DCX: variants seen among roughly 807,000 people sequenced by gnomAD.
DCX encodes doublecortin.
A neutral mutation model predicts 20.9 loss-of-function variants in DCX; 4 were observed. The ratio of observed to expected loss-of-function variants is 0.19; its 90% CI spans 0.09 to 0.44. The LOEUF (loss-of-function observed/expected upper bound fraction) is 0.44. Among genes scored for constraint, DCX ranks in the 20% least tolerant of loss-of-function variants. The pLI, the probability that DCX is intolerant of heterozygous loss-of-function variation, is 0.99. For synonymous variants in DCX, 103 were observed against 111.4 expected (o/e 0.92, Z 0.47); for missense variants, 133 against 296.9 (o/e 0.45, Z 4.06).
intron 6 of DCX, among the ~76,000 whole-genome samples, chrX:111,308,484 CT>C (rs991161431): frequency 2.3e-4 from 26 of 111,052 alleles, no homozygotes; most frequent in African/African-American, 8.5e-4. Flanking sequence ...CTGTGAAAAG[CT>C]TTCCCCATCT....
chrX:111,359,811 T>C (rs1419769433), intron 3 of DCX, among the ~76,000 whole-genome samples: 4 of 112,006 alleles, frequency 3.6e-5, no homozygotes, highest in Admixed American at 2.8e-4. Flanking sequence ...AATTTTATTA[T>C]TGTTTACCCA....
intron 5 of DCX, among the ~76,000 whole-genome samples, chrX:111,327,906 G>A (rs934178052): frequency 1.8e-5 from 2 of 112,740 alleles, no homozygotes; most frequent in African/African-American, 6.4e-5. Context: ...GCTTGGTTAT[G>A]TTACAGCCCT....
At chrX:111,372,879 T>C (rs1426423530) in intron 3 of DCX, among the ~76,000 whole-genome samples, 1 of 111,379 alleles carries the variant, frequency 9.0e-6, no homozygotes, top group Non-Finnish European at 1.9e-5. Flanking sequence ...CTTCAAGCTT[T>C]GTGGCTCCGT....
intron 3 of DCX, among the ~76,000 whole-genome samples, chrX:111,345,152 T>C (rs1233163648): frequency 8.9e-6 from 1 of 112,080 alleles, no homozygotes; most frequent in Non-Finnish European, 1.9e-5. Context: ...AAGCATCTCC[T>C]ATTCAATAAA....
intron 3 of DCX, among the ~76,000 whole-genome samples, chrX:111,376,327 G>A (rs1336905348): frequency 1.8e-5 from 2 of 111,420 alleles, no homozygotes; most frequent in Non-Finnish European, 3.8e-5. Context: ...CTTCACCTTG[G>A]CACCAGCCTG....
chrX:111,333,984 C>A (rs1048203803), intron 3 of DCX, among the ~76,000 whole-genome samples: 16 of 111,711 alleles, frequency 1.4e-4, no homozygotes, highest in Middle Eastern at 4.7e-3. Flanking sequence ...TCAGGGAAAC[C>A]CCTGGAGGAA....
Position 111,365,968 on chromosome X carries a change from G to A in DCX, c.706-32815C>T, listed in dbSNP as rs140020767. ...AGCATCCCGGGCCTCTACCCACTAGGTGCCAGTAGCACACCCACAGTCATG... is the reference window on the plus strand; with the variant it reads ...AGCATCCCGGGCCTCTACCCACTAGATGCCAGTAGCACACCCACAGTCATG... On this transcript the variant is annotated intron_variant, in intron 3 of 6. Transcript: ENST00000636035. Among the ~76,000 whole-genome samples, 298 of 111,825 alleles carry A rather than the reference G, an allele frequency of 2.7e-3. 1 individual carries two copies. The highest frequency in any genetic ancestry group is 4.2e-3 in the Non-Finnish European group (222 of 53,195).
At chrX:111,372,032 C>A (rs1331968226) in intron 3 of DCX, among the ~76,000 whole-genome samples, 1 of 111,009 alleles carries the variant, frequency 9.0e-6, no homozygotes, top group Non-Finnish European at 1.9e-5. Context: ...GAGCCTCTGA[C>A]CCAAACACAG....
chrX:111,404,911 G>C (rs1005291961), intron 2 of DCX, among the ~76,000 whole-genome samples: 7 of 112,238 alleles, frequency 6.2e-5, no homozygotes, highest in Non-Finnish European at 1.1e-4. Flanking sequence ...GATGAGGTGT[G>C]TCGCACCTTT....
chrX:111,374,531 A>C (rs1170939272), intron 3 of DCX, among the ~76,000 whole-genome samples: 1 of 111,351 alleles, frequency 9.0e-6, no homozygotes, highest in Non-Finnish European at 1.9e-5. Flanking sequence ...CTGTCTCTTG[A>C]TATGCTCAGT....
At chrX:111,405,700 A>T (rs1022885696) in intron 2 of DCX, among the ~76,000 whole-genome samples, 4 of 111,356 alleles carry the variant, frequency 3.6e-5, no homozygotes, top group East Asian at 2.8e-4. Flanking sequence ...TAAATAAAAT[A>T]AAAAAATAAT....
At chrX:111,358,726 G>T (rs1020084674) in intron 3 of DCX, among the ~76,000 whole-genome samples, 1 of 111,633 alleles carries the variant, frequency 9.0e-6, no homozygotes, top group African/African-American at 3.3e-5. Context: ...TCCCAGAAAC[G>T]AGCTTTAAAA....
chrX:111,316,961 G>T (rs2095074133), intron 5 of DCX, among the ~76,000 whole-genome samples: 1 of 112,235 alleles, frequency 8.9e-6, no homozygotes, highest in Non-Finnish European at 1.9e-5. Context: ...TATGCTCATG[G>T]ATAGTAAGAA....
At chrX:111,324,484 T>C (rs1425853667) in intron 5 of DCX, among the ~76,000 whole-genome samples, 1 of 111,969 alleles carries the variant, frequency 8.9e-6, no homozygotes, top group Non-Finnish European at 1.9e-5. Context: ...TTGTGGACTG[T>C]GGAGTCAGAT....
chrX:111,357,601 A>C (rs1352642264), intron 3 of DCX, among the ~76,000 whole-genome samples: 1 of 110,654 alleles, frequency 9.0e-6, no homozygotes, highest in Admixed American at 9.6e-5. Flanking sequence ...CAACATAGTG[A>C]GCTTTTGTCT....
intron 3 of DCX, among the ~76,000 whole-genome samples, chrX:111,352,870 A>T (rs1261284628): frequency 9.1e-6 from 1 of 109,610 alleles, no homozygotes; most frequent in East Asian, 2.9e-4. Flanking sequence ...AGAGAGAGAG[A>T]GAGAGGAGGC....
chrX:111,335,863 A>T (rs759243803), intron 3 of DCX, among the ~76,000 whole-genome samples: 11 of 110,859 alleles, frequency 9.9e-5, no homozygotes, highest in African/African-American at 3.3e-4. Flanking sequence ...CTGAGGCAGG[A>T]GAATTGCTCG....
At chrX:111,392,634 G>A (rs964635398) in intron 3 of DCX, among the ~76,000 whole-genome samples, 1 of 111,690 alleles carries the variant, frequency 9.0e-6, no homozygotes, top group Non-Finnish European at 1.9e-5. Context: ...AAGTAGATTA[G>A]TGGTTGCTTA....
At chrX:111,353,349 T>C (rs1923477025) in intron 3 of DCX, among the ~76,000 whole-genome samples, 1 of 111,869 alleles carries the variant, frequency 8.9e-6, no homozygotes, top group African/African-American at 3.2e-5. Context: ...TGTTAAATTT[T>C]AGAACAAAAA....
Sources: allele counts gnomAD v4.1 joint callset (sites outside exome capture counted in the v4.1 genomes callset), GRCh38; gene constraint gnomAD v4.1.1; transcripts MANE v1.5; gene names NCBI Gene and HGNC (gene_info 2026-07-23, HGNC 2026-07-21).